The following CHD2 variants were observed in gnomAD, a reference collection of about 807,000 sequenced individuals.
CHD2 encodes the protein ATP-dependent chromatin remodeler CHD2.
A neutral mutation model predicts 243.9 loss-of-function variants in CHD2; 28 were observed. The observed-to-expected ratio is 0.11, with a 90% CI of 0.09 to 0.16. The LOEUF is 0.16. Among genes scored for constraint, CHD2 ranks in the 10% least tolerant of loss-of-function variants. CHD2 has a pLI of 1.00. For synonymous variants in CHD2, 775 were observed against 779.0 expected, an observed-to-expected ratio of 0.99 and a Z score of 0.09; for missense variants, 1,386 against 2,209.8, an observed-to-expected ratio of 0.63 and a Z score of 7.47.
intron 2 of CHD2, chr15:92,902,098 A>T: frequency 2.5e-6 from 1 of 397,564 alleles, no homozygotes. Context: ...TAAGACATTG[A>T]TTTCCTGTTG....
In CHD2 at chr15:93,027,894, AAAT is replaced by A. The variant is rs749165929; in HGVS notation, c.*3193_*3195del. 5.2e-5 allele frequency: 8 copies of A among 152,682 alleles called. No homozygotes were observed. The highest frequency in any genetic ancestry group is 1.2e-4 in the Non-Finnish European group (8 of 68,044). 9.5% of individuals were successfully genotyped at this position (152,682 alleles called of 1,614,324 possible). On this transcript the variant is annotated 3_prime_UTR_variant, in exon 39 of 39. Transcript: ENST00000394196. ...CCACTGTCCTAGTGATTTCTGATGTAAATAATGTTGTTTATATAGTATGTATTA... is the reference window on the plus strand; with the variant it reads ...CCACTGTCCTAGTGATTTCTGATGTAAATGTTGTTTATATAGTATGTATTA...
chr15:93,014,967 C>T (rs2054439563), intron 37 of CHD2, 58 bp downstream of exon 37: 1 of 1,409,250 alleles, frequency 7.1e-7, no homozygotes. Flanking sequence ...ATTCACACAG[C>T]CGTTTCATTT....
At chr15:92,968,704 C>G (rs577407007) in intron 17 of CHD2, among the ~76,000 whole-genome samples, 2 of 152,274 alleles carry the variant, frequency 1.3e-5, no homozygotes, top group South Asian at 4.1e-4. Context: ...TTGCCATTTT[C>G]AAAGGAAAAG....
intron 2 of CHD2, among the ~76,000 whole-genome samples, chr15:92,906,265 C>T (rs2052619933): frequency 6.6e-6 from 1 of 152,034 alleles, no homozygotes; most frequent in Admixed American, 6.6e-5. Context: ...CTCTCTCTCT[C>T]TCTGTATCCT....
chr15:92,952,050 A>T (rs766344773), intron 13 of CHD2, among the ~76,000 whole-genome samples: 1 of 152,132 alleles, frequency 6.6e-6, no homozygotes, highest in Non-Finnish European at 1.5e-5. Context: ...ATTTTCCAGA[A>T]CCTTTTTATA....
intron 24 of CHD2, among the ~76,000 whole-genome samples, chr15:92,983,285 T>C (rs543082002): frequency 2.0e-5 from 3 of 152,344 alleles, no homozygotes; most frequent in Admixed American, 6.5e-5. Flanking sequence ...TAACTCTTAC[T>C]GTGTTTCAAG....
intron 13 of CHD2, among the ~76,000 whole-genome samples, chr15:92,951,713 G>T (rs2053556584): frequency 6.6e-6 from 1 of 152,178 alleles, no homozygotes; most frequent in African/African-American, 2.4e-5. Flanking sequence ...ATTGAAAAGT[G>T]AGGGAAATAA....
rs34163529 is a variant in CHD2 at position 93,010,410 on chromosome 15, ATT to A, written c.4592+1107_4592+1108del. 4.1e-3 allele frequency among the ~76,000 whole-genome samples: 582 copies of A among 143,024 alleles called. 7 individuals are homozygous for A. In the East Asian group the frequency reaches 0.046, roughly 11 times the overall value. The allele number at this position is 143,024 out of a possible 152,430, so 93.8% of individuals were successfully genotyped here. A position where few individuals can be genotyped will look rare whatever the true frequency, so the allele number is the denominator to read the frequency against. On this transcript the variant is annotated intron_variant, in intron 35 of 38. Coordinates refer to ENST00000394196, the MANE Select transcript of CHD2 (RefSeq NM_001271.4). ...ATATTTTAAGAAAACATGACTGGAA[ATT>A]TTTTTTTTTTTTTTTTTTTAAATGA...
chr15:92,953,167 A>G (rs946223851), intron 13 of CHD2, among the ~76,000 whole-genome samples, 190 bp from the exon 14 acceptor site: 1 of 152,196 alleles, frequency 6.6e-6, no homozygotes, highest in Admixed American at 6.5e-5. Context: ...TCTGCTTTTT[A>G]TGGTTTCTAC....
Position 92,900,791 on chromosome 15 carries a change from A to G in CHD2, c.-105A>G. Reference sequence around the variant, plus strand: ...ATCTGATATTTTTCTACTAGTAGATAGGACTCTTGGTTTGGACATACTACA... The same window carrying G: ...ATCTGATATTTTTCTACTAGTAGATGGGACTCTTGGTTTGGACATACTACA... On this transcript the variant is annotated 5_prime_UTR_variant, in exon 1 of 39. In the 5' UTR this introduces an upstream ATG that the reference lacks. Transcript: ENST00000394196. 2.5e-6 allele frequency: 1 copy of G among 395,618 alleles called. No homozygotes were observed. The highest frequency in any genetic ancestry group is 3.6e-5 in the East Asian group (1 of 27,892). The allele number at this position is 395,618 out of a possible 1,614,324, so 24.5% of individuals were successfully genotyped here.
intron 17 of CHD2, among the ~76,000 whole-genome samples, chr15:92,971,449 A>ATGTG (rs200032060): frequency 1.3e-5 from 2 of 151,842 alleles, no homozygotes; most frequent in Admixed American, 6.6e-5. Context: ...GTATGTATGT[A>ATGTG]TGTGTGTGTG....
chr15:92,914,535 C>G (rs2052798946), intron 2 of CHD2, among the ~76,000 whole-genome samples: 1 of 152,164 alleles, frequency 6.6e-6, no homozygotes, highest in Non-Finnish European at 1.5e-5. Context: ...GTGATGCCTG[C>G]CTGGCTTCAG....
intron 5 of CHD2, among the ~76,000 whole-genome samples, chr15:92,935,459 T>C (rs1031245277): frequency 6.6e-6 from 1 of 152,258 alleles, no homozygotes. Context: ...CTGTCTGCTA[T>C]ACTTATAGAA....
chr15:92,956,027 A>G (rs556635013), intron 15 of CHD2, among the ~76,000 whole-genome samples: 1 of 152,352 alleles, frequency 6.6e-6, no homozygotes, highest in African/African-American at 2.4e-5. Context: ...TATATGTGGT[A>G]GGTAGATCCC....
In CHD2 at chr15:92,972,319, C is replaced by T. The variant is rs1249113481; in HGVS notation, c.2407C>T (p.Leu803Phe). ...LILLDKLLTR[L>F]RERGNRVLIF... ...TTTATTAGACAAACTGTTGACAAGACTTCGAGAAAGGGGGAATCGAGTGCT... is the reference window on the plus strand; with the variant it reads ...TTTATTAGACAAACTGTTGACAAGATTTCGAGAAAGGGGGAATCGAGTGCT... The change falls in exon 19 of 39, where the codon CTT becomes TTT. Residue 803 changes from leucine to phenylalanine, a missense_variant. Around this residue, in one of 19 missense-constraint regions of CHD2, gnomAD observed 118 missense variants for 266.3 expected, o/e 0.44. Coordinates refer to ENST00000394196, the MANE Select transcript of CHD2 (RefSeq NM_001271.4). 1 of 1,612,720 alleles carries T rather than the reference C, an allele frequency of 6.2e-7. No homozygotes were observed. Among genetic ancestry groups the T allele is most frequent in the South Asian group, 1.1e-5 (1 of 90,964 alleles).
rs141599665 is a variant in CHD2 at position 93,002,067 on chromosome 15, C to T, written c.4138-110C>T. 9.3e-5 allele frequency: 130 copies of T among 1,400,414 alleles called. No homozygotes were observed. In the African/African-American group the frequency reaches 1.8e-3, roughly 19 times the overall value. The allele number at this position is 1,400,414 out of a possible 1,614,324, so 86.7% of individuals were successfully genotyped here. A position where few individuals can be genotyped will look rare whatever the true frequency, so the allele number is the denominator to read the frequency against. On this transcript the variant is annotated intron_variant, in intron 32 of 38. Coordinates refer to ENST00000394196, the MANE Select transcript of CHD2 (RefSeq NM_001271.4). ...AGGCTATTTGCTTGAAAACAAGCTT[C>T]TAAGTATAGACAGTGATGAACCACT...
At chr15:92,964,525 T>C (rs1331715551) in intron 16 of CHD2, among the ~76,000 whole-genome samples, 2 of 152,236 alleles carry the variant, frequency 1.3e-5, no homozygotes, top group Admixed American at 6.5e-5. Flanking sequence ...CAAATAGCTT[T>C]GGAACTTCCC....
At chr15:92,967,600 T>TG in intron 17 of CHD2, 87 bp downstream of exon 17, 1 of 532,548 alleles carries the variant, frequency 1.9e-6, no homozygotes, top group Non-Finnish European at 2.4e-6. Flanking sequence ...ATACTTTTGT[T>TG]TTTTTTTTTT....
chr15:92,968,675 A>G (rs2053799843), intron 17 of CHD2, among the ~76,000 whole-genome samples: 3 of 152,244 alleles, frequency 2.0e-5, no homozygotes, highest in African/African-American at 7.2e-5. Flanking sequence ...GAAAGGCAGA[A>G]TAAGATTCTT....
Sources: allele counts gnomAD v4.1 joint callset (sites outside exome capture counted in the v4.1 genomes callset), GRCh38; gene constraint gnomAD v4.1.1; regional missense constraint gnomAD v4.1.1; transcripts MANE v1.5; gene names NCBI Gene and HGNC (gene_info 2026-07-23, HGNC 2026-07-21).